Variants in ADAMTSL4 observed in about 807,000 individuals in gnomAD.
The protein encoded by ADAMTSL4 is ADAMTS like 4, also known as ADAMTS-like protein 4.
ADAMTSL4 carries 97 observed loss-of-function variants against 122.8 expected under a neutral mutation model. The observed-to-expected ratio is 0.79, with a 90% CI of 0.67 to 0.93. The LOEUF is 0.93. Ranked by LOEUF, ADAMTSL4 falls within the 40% of genes least tolerant of loss-of-function variation. The pLI is 0.00. For missense variants in ADAMTSL4, 1,408 were observed against 1,453.5 expected (o/e 0.97, Z 0.51); for synonymous variants, 592 against 568.0 (o/e 1.04, Z -0.60).
chr1:150,550,269 G>A (rs1280462724), intron 2 of ADAMTSL4: 3 of 456,144 alleles, frequency 6.6e-6, no homozygotes, highest in South Asian at 4.6e-5. Context: ...TGAGGGACAT[G>A]GAAAGGGGTG....
intron 14 of ADAMTSL4, 98 bp from the exon 15 acceptor site, chr1:150,558,375 G>T: frequency 6.3e-7 from 1 of 1,579,308 alleles, no homozygotes; most frequent in Non-Finnish European, 8.6e-7. Context: ...CTGCTGGGCT[G>T]GGGATCGAAG....
chr1:150,555,700 CACAG>C (rs1260544794), intron 8 of ADAMTSL4, 135 bp downstream of exon 8: 21 of 168,576 alleles, frequency 1.2e-4, no homozygotes, highest in Admixed American at 3.2e-4. Flanking sequence ...CGCATATGCG[CACAG>C]ACACATGCAC....
chr1:150,557,358 C>A, intron 12 of ADAMTSL4, 23 bp downstream of exon 12: 1 of 1,604,974 alleles, frequency 6.2e-7, no homozygotes, highest in East Asian at 2.3e-5. Context: ...AGTGCGTTCC[C>A]CGCATCTCGG....
rs1221592568 is a variant in ADAMTSL4, at chr1:150,560,629, A to C, written c.*433A>C. On this transcript the variant is annotated 3_prime_UTR_variant, in exon 19 of 19. Transcript: ENST00000271643. ...CCTAAGCCTCATTTCTCATGTTCAGACCTCACATCTTCTAAGCCGCCCTGT... is the reference window on the plus strand; with the variant it reads ...CCTAAGCCTCATTTCTCATGTTCAGCCCTCACATCTTCTAAGCCGCCCTGT... 2 of 218,626 alleles carry C rather than the reference A, an allele frequency of 9.1e-6. No individual in the cohort carries two copies. Among genetic ancestry groups the C allele is most frequent in the African/African-American group, 2.3e-5 (1 of 44,048 alleles). The allele number at this position is 218,626 out of a possible 1,614,324, so 13.5% of individuals were successfully genotyped here. A position where few individuals can be genotyped will look rare whatever the true frequency, so the allele number is the denominator to read the frequency against.
Position 150,558,547 on chromosome 1 carries a change from C to A in ADAMTSL4, c.2457C>A (p.Ser819Arg). 6.2e-7 allele frequency: 1 copy of A among 1,613,814 alleles called. No individual in the cohort carries two copies. The highest frequency in any genetic ancestry group is 8.5e-7 in the Non-Finnish European group (1 of 1,179,958). Residue 819 changes from serine to arginine, a missense_variant, in exon 15 of 19, where the codon AGC (serine) becomes AGA (arginine). Transcript: ENST00000271643. Reference sequence around the variant, plus strand: ...TTGGGAACAATGGTGATGAAGTGAGCGAGCAGGAGTGTGCGTCAGGCCCCC... The same window carrying A: ...TTGGGAACAATGGTGATGAAGTGAGAGAGCAGGAGTGTGCGTCAGGCCCCC... ...RCVGNNGDEV[S>R]EQECASGPPQ...
rs1184343432 is a variant in ADAMTSL4, at chr1:150,556,819, A to C, written c.1749+26A>C. 9.4e-6 allele frequency: 15 copies of C among 1,588,346 alleles called. No homozygotes were observed. Among genetic ancestry groups the C allele is most frequent in the Non-Finnish European group, 1.2e-5 (14 of 1,171,120 alleles). ...GTGAGCCTGGGGCCAGGGGCAGCTG[A>C]ATGCTGGGGAGGGAGGCTGTTCCCT... On this transcript the variant is annotated intron_variant, in intron 10 of 18. Coordinates refer to ENST00000271643, the MANE Select transcript of ADAMTSL4 (RefSeq NM_019032.6). This position sits in a 1 kb window ranked among gnomAD's most constrained non-coding sequence, Gnocchi z 4.1.
Position 150,556,714 on chromosome 1 carries a change from A to G in ADAMTSL4, c.1670A>G (p.Tyr557Cys). 6.2e-7 allele frequency: 1 copy of G among 1,613,990 alleles called. No individual in the cohort carries two copies. The highest frequency in any genetic ancestry group is 1.3e-5 in the African/African-American group (1 of 74,974). ...SYRAGGTVFRYNRPPREEGKG... is the reference protein window; with the variant it reads ...SYRAGGTVFRCNRPPREEGKG... ...AGGGCCGGCGGGACCGTCTTTCGAT[A>G]TAACCGTCCTCCCAGGGAGGAGGGC... The change falls in exon 10 of 19, where the codon TAT becomes TGT. Residue 557 changes from tyrosine to cysteine, a missense_variant. Transcript: ENST00000271643. The surrounding 1 kb of genome is among the most constrained non-coding windows in gnomAD (Gnocchi z 4.1).
At position 150,555,417 on chromosome 1, in the gene ADAMTSL4, CCT is replaced by C; in HGVS notation, c.1235-11_1235-10del. On this transcript the variant is annotated splice_polypyrimidine_tract_variant and intron_variant, in intron 7 of 18. Coordinates refer to ENST00000271643, the MANE Select transcript of ADAMTSL4 (RefSeq NM_019032.6). ...GGGAGCCCACTAACCACCCTTCTACCCTGTCCCTTAGTCCAGGGCTCCCAGCG... is the reference window on the plus strand; with the variant it reads ...GGGAGCCCACTAACCACCCTTCTACCGTCCCTTAGTCCAGGGCTCCCAGCG... 1 of 1,613,986 alleles carries C rather than the reference CCT, an allele frequency of 6.2e-7. No homozygotes were observed. Among genetic ancestry groups the C allele is most frequent in the Non-Finnish European group, 8.5e-7 (1 of 1,179,932 alleles).
rs1274599562 is a variant in ADAMTSL4, at chr1:150,559,627, C to A, written c.2944-134C>A. 1 of 1,556,886 alleles carries A rather than the reference C, an allele frequency of 6.4e-7. No individual in the cohort carries two copies. Among genetic ancestry groups the A allele is most frequent in the African/African-American group, 1.4e-5 (1 of 73,706 alleles). On this transcript the variant is annotated intron_variant, in intron 17 of 18. Coordinates refer to ENST00000271643, the MANE Select transcript of ADAMTSL4 (RefSeq NM_019032.6). The surrounding 1 kb of genome is among the most constrained non-coding windows in gnomAD (Gnocchi z 4.1). ...TTATAGACTTGGAGGAAAGATGGGC[C>A]CTCTCCATTTGGGATTTCACAATGT...
Position 150,554,067 on chromosome 1 carries a change from G to T in ADAMTSL4, c.1076G>T (p.Ser359Ile). 6.2e-7 allele frequency: 1 copy of T among 1,605,102 alleles called. No homozygotes were observed. The change falls in exon 6 of 19, where the codon AGC becomes ATC. Residue 359 changes from serine to isoleucine, a missense_variant. Ser to Ile is a moderately radical substitution (Grantham distance 142, BLOSUM62 -2). Transcript: ENST00000271643. This position sits in a 1 kb window ranked among gnomAD's most constrained non-coding sequence, Gnocchi z 4.0. ...SSLWSLFAPSSPIPRCSGESE... is the reference protein window; with the variant it reads ...SSLWSLFAPSIPIPRCSGESE... ...CTCTGGAGCCTCTTTGCTCCCAGTA[G>T]CCCTATTCCAAGATGTTCTGGGGAG...
chr1:150,555,719 GCA>G lies in ADAMTSL4; in HGVS notation c.1371+166_1371+167del, dbSNP rs59180838. Among the ~76,000 whole-genome samples the G allele has an allele frequency of 0.016, 2,416 of 147,830 alleles. 67 individuals carry two copies. Among genetic ancestry groups the G allele is most frequent in the African/African-American group, 0.056 (2,188 of 39,070 alleles). On this transcript the variant is annotated intron_variant, in intron 8 of 18. Coordinates refer to ENST00000271643, the MANE Select transcript of ADAMTSL4 (RefSeq NM_019032.6). ...TATGCGCACAGACACATGCACACAC[GCA>G]CACACACACACGCACACACACGCAT...
chr1:150,559,315 A>T lies in ADAMTSL4; in HGVS notation c.2792A>T (p.Gln931Leu). 6.2e-7 allele frequency: 1 copy of T among 1,613,950 alleles called. No individual in the cohort carries two copies. The highest frequency in any genetic ancestry group is 8.5e-7 in the Non-Finnish European group (1 of 1,179,976). ...TCCTCCGAATGTGGCTCTGGCACAC[A>T]GCGTAGAGACATCATCTGTGTATCC... The part of the protein sequence containing the change: ...ECSSECGSGT[Q>L]RRDIICVSKL... The change falls in exon 17 of 19, where the codon CAG (glutamine) becomes CTG (leucine). Residue 931 changes from glutamine to leucine, a missense_variant. Physicochemically the swap from Gln to Leu is moderately radical, Grantham distance 113. Coordinates refer to ENST00000271643, the MANE Select transcript of ADAMTSL4 (RefSeq NM_019032.6). This position sits in a 1 kb window ranked among gnomAD's most constrained non-coding sequence, Gnocchi z 4.1.
chr1:150,554,265 C>T lies in ADAMTSL4; in HGVS notation c.1132-100C>T, dbSNP rs1309117870. On this transcript the variant is annotated intron_variant, in intron 6 of 18. Transcript: ENST00000271643. This position sits in a 1 kb window ranked among gnomAD's most constrained non-coding sequence, Gnocchi z 4.0. ...ACCTCAGGGCAGGGGTCTTGGAGCT[C>T]TTCCGCTGACCTGAGCCTCCCACCT... 6.9e-6 allele frequency: 10 copies of T among 1,450,910 alleles called. No individual in the cohort carries two copies. Among genetic ancestry groups the T allele is most frequent in the Non-Finnish European group, 8.7e-6 (9 of 1,039,688 alleles). The allele number at this position is 1,450,910 out of a possible 1,614,324, so 89.9% of individuals were successfully genotyped here. A position where few individuals can be genotyped will look rare whatever the true frequency, so the allele number is the denominator to read the frequency against.
chr1:150,550,343 G>C (rs1166215802), intron 2 of ADAMTSL4: 7 of 451,858 alleles, frequency 1.5e-5, no homozygotes, highest in Non-Finnish European at 3.1e-5. Flanking sequence ...GGGCTGCGCA[G>C]GGGAGGGTGG....
rs146557547 is a variant in ADAMTSL4, at chr1:150,556,705, T to A, written c.1661T>A (p.Val554Asp). 96 of 1,613,886 alleles carry A rather than the reference T, an allele frequency of 5.9e-5. No homozygotes were observed. The African/African-American group carries it at 1.2e-3, about 20-fold the overall frequency. The change falls in exon 10 of 19, where the codon GTC becomes GAC. Residue 554 changes from valine (V) to aspartate (D), a missense_variant. Coordinates refer to ENST00000271643, the MANE Select transcript of ADAMTSL4 (RefSeq NM_019032.6). This position sits in a 1 kb window ranked among gnomAD's most constrained non-coding sequence, Gnocchi z 4.1. ...GGGTCCTACAGGGCCGGCGGGACCGTCTTTCGATATAACCGTCCTCCCAGG... is the reference window on the plus strand; with the variant it reads ...GGGTCCTACAGGGCCGGCGGGACCGACTTTCGATATAACCGTCCTCCCAGG... ...PPGSYRAGGT[V>D]FRYNRPPREE...
Position 150,552,386 on chromosome 1 carries a change from A to G in ADAMTSL4, c.20+78A>G. ...GGCTCTGTGTCTGGAAGTGAGGGAA[A>G]GGGGACCACTGGGAGGGGCAGGGGA... On this transcript the variant is annotated intron_variant, in intron 3 of 18. Transcript: ENST00000271643. This position sits in a 1 kb window ranked among gnomAD's most constrained non-coding sequence, Gnocchi z 4.0. The G allele has an allele frequency of 6.5e-7, 1 of 1,536,848 alleles. No homozygotes were observed. The highest frequency in any genetic ancestry group is 8.9e-7 in the Non-Finnish European group (1 of 1,129,666).
At position 150,557,048 on chromosome 1, in the gene ADAMTSL4, C is replaced by G; in HGVS notation, c.1859C>G (p.Pro620Arg). ...TPEPPVPQLQPEILRVEPPLA... is the reference protein window; with the variant it reads ...TPEPPVPQLQREILRVEPPLA... Reference sequence around the variant, plus strand: ...GAGCCCCCTGTCCCCCAGCTTCAGCCGGGTAAGACTCTGACCCCTGCACTT... The same window carrying G: ...GAGCCCCCTGTCCCCCAGCTTCAGCGGGGTAAGACTCTGACCCCTGCACTT... Residue 620 changes from proline to arginine, a missense_variant and splice_region_variant, in exon 11 of 19, where the codon CCG (proline) becomes CGG (arginine). Pro to Arg is a moderately radical substitution (Grantham distance 103, BLOSUM62 -2). Transcript: ENST00000271643. 6.2e-7 allele frequency: 1 copy of G among 1,613,132 alleles called. No homozygotes were observed. Among genetic ancestry groups the G allele is most frequent in the Non-Finnish European group, 8.5e-7 (1 of 1,179,174 alleles).
rs1672092521 is a variant in ADAMTSL4 at position 150,556,192 on chromosome 1, G to T, written c.1402G>T (p.Gly468Cys). 7 of 1,614,228 alleles carry T rather than the reference G, an allele frequency of 4.3e-6. No homozygotes were observed. In the East Asian group the frequency reaches 1.3e-4, roughly 31 times the overall value. The part of the protein sequence containing the change: ...SPGCDGILGS[G>C]RRPDGCGVCG... ...CGGCTGTGATGGGATCCTTGGCTCT[G>T]GCAGGCGTCCTGATGGCTGTGGAGT... Residue 468 changes from glycine to cysteine, a missense_variant, in exon 9 of 19, where the codon GGC becomes TGC. Coordinates refer to ENST00000271643, the MANE Select transcript of ADAMTSL4 (RefSeq NM_019032.6). This position sits in a 1 kb window ranked among gnomAD's most constrained non-coding sequence, Gnocchi z 4.1.
intron 5 of ADAMTSL4, 72 bp from the exon 6 acceptor site, chr1:150,553,354 C>T: frequency 1.9e-6 from 3 of 1,606,052 alleles, no homozygotes; most frequent in South Asian, 1.1e-5. Context: ...TCTTTGGTGC[C>T]AGGAAGTAAA....
Sources: allele counts gnomAD v4.1 joint callset (sites outside exome capture counted in the v4.1 genomes callset), GRCh38; gene constraint gnomAD v4.1.1; non-coding constraint Gnocchi (gnomAD v3.1); transcripts MANE v1.5; gene names NCBI Gene and HGNC (gene_info 2026-07-23, HGNC 2026-07-21).